The following METTL15 variants were observed in gnomAD, a reference collection of about 807,000 sequenced individuals.
The protein encoded by METTL15 is methyltransferase 15, mitochondrial 12S rRNA N4-cytidine.
A neutral mutation model predicts 38.3 loss-of-function variants in METTL15; 34 were observed. The observed-to-expected ratio is 0.89, with a 90% confidence interval of 0.68 to 1.18. METTL15 has a LOEUF of 1.18. METTL15 is among the 50% of genes most tolerant of loss of function. The probability of loss-of-function intolerance (pLI) is 0.00; values close to 1 mark genes in which losing one functional copy is unlikely to be tolerated. For missense variants in METTL15, 438 were observed against 498.4 expected, an observed-to-expected ratio of 0.88 and a Z score of 1.15; for synonymous variants, 162 against 170.9, an observed-to-expected ratio of 0.95 and a Z score of 0.41.
chr11:28,128,584 T>C (rs920939109), intron 3 of METTL15, among the ~76,000 whole-genome samples: 1 of 152,160 alleles, frequency 6.6e-6, no homozygotes, highest in Non-Finnish European at 1.5e-5. Context: ...TTTTTTACAA[T>C]GGACATTTTA....
intron 6 of METTL15, among the ~76,000 whole-genome samples, chr11:28,512,706 C>T (rs1387968678): frequency 2.0e-5 from 3 of 152,196 alleles, no homozygotes; most frequent in Non-Finnish European, 2.9e-5. Context: ...TTCCCTCTCG[C>T]GCCTCTCCCT....
chr11:28,243,968 A>G (rs1223370381), intron 4 of METTL15, among the ~76,000 whole-genome samples: 1 of 152,214 alleles, frequency 6.6e-6, no homozygotes. Context: ...TTTTTGCTCT[A>G]TAATGACTGA....
At chr11:28,113,098 GTATTTAAATTA>G (rs769612769) in intron 2 of METTL15, among the ~76,000 whole-genome samples, 2 of 152,008 alleles carry the variant, frequency 1.3e-5, no homozygotes, top group Non-Finnish European at 2.9e-5. Context: ...ATTAAAAATT[GTATTTAAATTA>G]TGTTTAAATT....
In METTL15 at chr11:28,242,908, G is replaced by A. The variant is rs1033938922; in HGVS notation, c.407+31710G>A. 5.3e-5 allele frequency among the ~76,000 whole-genome samples: 8 copies of A among 152,130 alleles called. No homozygotes were observed. In the East Asian group the frequency reaches 9.7e-4, roughly 18 times the overall value. ...TACATTGTCTTCTAGACATTATATC[G>A]CTTTAATAATTTTGATGATATAAGT... On this transcript the variant is annotated intron_variant, in intron 4 of 6. Coordinates refer to ENST00000407364, the MANE Select transcript of METTL15 (RefSeq NM_001113528.2).
At chr11:28,274,443 C>T (rs1855764400) in intron 4 of METTL15, among the ~76,000 whole-genome samples, 1 of 151,922 alleles carries the variant, frequency 6.6e-6, no homozygotes, top group Non-Finnish European at 1.5e-5. Context: ...TTTCAGTATT[C>T]TAGTACTTTT....
intron 5 of METTL15, among the ~76,000 whole-genome samples, chr11:28,415,427 A>T (rs139437108): frequency 3.0e-4 from 46 of 152,352 alleles, no homozygotes; most frequent in African/African-American, 1.1e-3. Flanking sequence ...TCTTAGTTCC[A>T]GCATTAGAAA....
At chr11:28,342,387 C>T (rs900311082) in intron 3 of METTL15, among the ~76,000 whole-genome samples, 8 of 152,018 alleles carry the variant, frequency 5.3e-5, no homozygotes, top group South Asian at 2.1e-4. Context: ...CTCGGCCTCC[C>T]GAGTAGCTGG....
At chr11:28,310,246 C>G (rs747485580) in intron 6 of METTL15, among the ~76,000 whole-genome samples, 4 of 151,810 alleles carry the variant, frequency 2.6e-5, no homozygotes, top group Non-Finnish European at 5.9e-5. Context: ...CAATCCAAAG[C>G]AAGGGGAAAG....
chr11:28,117,308 TA>T (rs1265351426), intron 3 of METTL15, among the ~76,000 whole-genome samples: 10 of 140,276 alleles, frequency 7.1e-5, no homozygotes, highest in South Asian at 2.3e-4. Flanking sequence ...TATGAAAGGA[TA>T]GGGGCAGTTA....
intron 6 of METTL15, among the ~76,000 whole-genome samples, chr11:28,328,811 A>G (rs981639050): frequency 6.6e-6 from 1 of 152,082 alleles, no homozygotes; most frequent in African/African-American, 2.4e-5. Context: ...TATGATATAA[A>G]TAATATACAT....
chr11:28,262,480 A>G (rs1196810377), intron 4 of METTL15, among the ~76,000 whole-genome samples: 2 of 151,852 alleles, frequency 1.3e-5, no homozygotes, highest in African/African-American at 4.8e-5. Flanking sequence ...TGTATGCATA[A>G]ACATTCGCTT....
chr11:28,260,113 C>T (rs1270455050), intron 4 of METTL15, among the ~76,000 whole-genome samples: 1 of 152,200 alleles, frequency 6.6e-6, no homozygotes, highest in Non-Finnish European at 1.5e-5. Context: ...GTAATCTATT[C>T]AACCTCATCT....
chr11:28,529,066 G>A (rs931368854), downstream of METTL15, among the ~76,000 whole-genome samples: 15 of 152,134 alleles, frequency 9.9e-5, no homozygotes, highest in South Asian at 2.1e-4. Flanking sequence ...ATCCTAAAAT[G>A]TTCAGGAAGG....
chr11:28,244,483 T>G (rs989426265), intron 4 of METTL15, among the ~76,000 whole-genome samples: 7 of 152,136 alleles, frequency 4.6e-5, no homozygotes, highest in Non-Finnish European at 8.8e-5. Flanking sequence ...TTAATTTGTG[T>G]TTGTTGCCCC....
At chr11:28,443,563 A>G (rs748213885) in intron 6 of METTL15, among the ~76,000 whole-genome samples, 13 of 152,082 alleles carry the variant, frequency 8.5e-5, no homozygotes, top group Middle Eastern at 3.4e-3. Flanking sequence ...TGTCTAACCA[A>G]CCAGACCTCC....
intron 4 of METTL15, among the ~76,000 whole-genome samples, chr11:28,274,759 TA>T (rs1291214882): frequency 2.6e-5 from 4 of 151,926 alleles, no homozygotes; most frequent in African/African-American, 2.4e-5. Flanking sequence ...AAATTGAATT[TA>T]AAGTGCCATT....
At position 28,410,331 on chromosome 11, in the gene METTL15, C is replaced by T. The variant is rs375673606; in HGVS notation, c.*359-13968C>T. 3.3e-5 allele frequency among the ~76,000 whole-genome samples: 5 copies of T among 152,140 alleles called. No homozygotes were observed. The South Asian group carries it at 8.3e-4, about 25-fold the overall frequency. ...CAGACATTGCAAGAAAAGAAAAACA[C>T]GTGGCCAATATTTCTAATGAACATT... On this transcript the variant is annotated intron_variant and NMD_transcript_variant, in intron 5 of 7. Transcript: ENST00000532947.
intron 4 of METTL15, among the ~76,000 whole-genome samples, chr11:28,251,051 G>A (rs1351535162): frequency 6.6e-6 from 1 of 151,890 alleles, no homozygotes; most frequent in East Asian, 1.9e-4. Context: ...AATCACCTTT[G>A]AAATATATCT....
chr11:28,459,599 A>G (rs1851198094), intron 6 of METTL15, among the ~76,000 whole-genome samples: 1 of 152,106 alleles, frequency 6.6e-6, no homozygotes, highest in Admixed American at 6.6e-5. Context: ...AGGAGTTGGG[A>G]AATTGTATAG....
Sources: allele counts gnomAD v4.1 joint callset (sites outside exome capture counted in the v4.1 genomes callset), GRCh38; gene constraint gnomAD v4.1.1; transcripts MANE v1.5; gene names NCBI Gene and HGNC (gene_info 2026-07-23, HGNC 2026-07-21).